Variants in SETD5 observed in about 807,000 individuals in gnomAD.
SETD5 encodes SET domain containing 5.
SETD5 carries 44 observed loss-of-function variants against 153.3 expected under a neutral mutation model. The observed-to-expected ratio is 0.29, with a 90% CI of 0.23 to 0.37. The LOEUF (loss-of-function observed/expected upper bound fraction) is 0.37. SETD5 is among the 10% of genes least tolerant of loss of function. SETD5 has a pLI of 1.00. For synonymous variants in SETD5, 716 were observed against 645.2 expected, an observed-to-expected ratio of 1.11 and a Z score of -1.66; for missense variants, 1,544 against 1,768.0, an observed-to-expected ratio of 0.87 and a Z score of 2.27.
chr3:9,470,069 C>A (rs908339745), intron 18 of SETD5, among the ~76,000 whole-genome samples: 3 of 152,030 alleles, frequency 2.0e-5, no homozygotes, highest in Non-Finnish European at 2.9e-5. Flanking sequence ...CTTAAGACAC[C>A]AGTCTCATCT....
chr3:9,411,778 A>G (rs549708681), intron 1 of SETD5, among the ~76,000 whole-genome samples: 1 of 152,334 alleles, frequency 6.6e-6, no homozygotes, highest in African/African-American at 2.4e-5. Context: ...AACTTTACTT[A>G]GAATTAGTAA....
chr3:9,467,619 T>C (rs1385552176), intron 18 of SETD5, among the ~76,000 whole-genome samples: 3 of 152,252 alleles, frequency 2.0e-5, no homozygotes, highest in South Asian at 4.1e-4. Context: ...GCCACAGTTA[T>C]TCAGAGTCTA....
At chr3:9,454,107 A>G in intron 17 of SETD5, 1 of 244,390 alleles carries the variant, frequency 4.1e-6, no homozygotes, top group Non-Finnish European at 7.6e-6. Context: ...AAAAGGTTAG[A>G]TACATTTAAA....
chr3:9,405,909 C>A (rs2035577042), intron 1 of SETD5, among the ~76,000 whole-genome samples: 1 of 152,144 alleles, frequency 6.6e-6, no homozygotes, highest in Admixed American at 6.5e-5. Context: ...TCTGTACATG[C>A]CACAACACAT....
intron 2 of SETD5, among the ~76,000 whole-genome samples, chr3:9,426,671 G>T (rs1204620537): frequency 1.3e-5 from 2 of 151,536 alleles, no homozygotes; most frequent in Non-Finnish European, 2.9e-5. Flanking sequence ...GGGATTACAG[G>T]TGTGAGCCAC....
chr3:9,475,921 C>A lies in SETD5; in HGVS notation c.4159C>A (p.Arg1387=). ...NSRSSLPSDL[R]TISLPSAGQS... is the part of the protein sequence containing the mutation. ...TAGGTCGTCATTGCCATCAGACTTA[C>A]GGACTATCAGTCTGCCCAGTGCTGG... The change falls in exon 23 of 23, where the codon CGG becomes AGG. Residue 1387 remains arginine, a synonymous_variant. Coordinates refer to ENST00000402198, the MANE Select transcript of SETD5 (RefSeq NM_001080517.3). 1 of 1,614,048 alleles carries A rather than the reference C, an allele frequency of 6.2e-7. No homozygotes were observed. Among genetic ancestry groups the A allele is most frequent in the Admixed American group, 1.7e-5 (1 of 60,032 alleles).
At chr3:9,409,234 C>T (rs903857211) in intron 1 of SETD5, among the ~76,000 whole-genome samples, 1 of 152,124 alleles carries the variant, frequency 6.6e-6, no homozygotes, top group Non-Finnish European at 1.5e-5. Context: ...TTTCTTACTT[C>T]TTCATTTATT....
intron 1 of SETD5, among the ~76,000 whole-genome samples, chr3:9,412,846 G>A (rs1221410232): frequency 2.0e-5 from 3 of 151,148 alleles, no homozygotes; most frequent in Non-Finnish European, 4.4e-5. Flanking sequence ...TTATTAGTTG[G>A]TCATTGTCGA....
intron 8 of SETD5, among the ~76,000 whole-genome samples, chr3:9,441,082 C>A (rs969986723): frequency 2.0e-5 from 3 of 151,942 alleles, no homozygotes; most frequent in African/African-American, 7.3e-5. Context: ...TGTGATGATA[C>A]ACACCTGTAA....
intron 1 of SETD5, among the ~76,000 whole-genome samples, chr3:9,407,082 C>T (rs1263050924): frequency 6.6e-6 from 1 of 152,188 alleles, no homozygotes; most frequent in Non-Finnish European, 1.5e-5. Flanking sequence ...AATCCCAGCA[C>T]TTTGTGAGGC....
At chr3:9,457,166 A>AG (rs1439330006) in intron 17 of SETD5, among the ~76,000 whole-genome samples, 1 of 152,154 alleles carries the variant, frequency 6.6e-6, no homozygotes, top group African/African-American at 2.4e-5. Context: ...GAAGAGCCTA[A>AG]GTAATCAGCT....
At chr3:9,471,025 T>G in intron 19 of SETD5, 96 bp downstream of exon 19, 4 of 664,182 alleles carry the variant, frequency 6.0e-6, no homozygotes, top group Non-Finnish European at 1.0e-5. Context: ...TCCGCACTAC[T>G]CTCAGACAAG....
intron 14 of SETD5, 149 bp downstream of exon 14, chr3:9,447,456 T>C (rs2042148541): frequency 1.6e-6 from 2 of 1,232,562 alleles, no homozygotes; most frequent in East Asian, 2.3e-5. Context: ...AACCATTTCA[T>C]TGGCCTATTT....
In SETD5 at chr3:9,448,465, G is replaced by A. The variant is rs767867400; in HGVS notation, c.2181G>A (p.Thr727=). 6 of 1,613,752 alleles carry A rather than the reference G, an allele frequency of 3.7e-6. No individual in the cohort carries two copies. Among genetic ancestry groups the A allele is most frequent in the Admixed American group, 1.7e-5 (1 of 59,984 alleles). Reference sequence around the variant, plus strand: ...TTGAGTGCCCTTTACGTATCACAACGGATCCAACTGTACTGGCAACGACCC... The same window carrying A: ...TTGAGTGCCCTTTACGTATCACAACAGATCCAACTGTACTGGCAACGACCC... ...CPVECPLRIT[T]DPTVLATTLN... Residue 727 remains threonine (T), a synonymous_variant, in exon 16 of 23, where the codon ACG becomes ACA. Transcript: ENST00000402198.
At chr3:9,420,632 TTC>T (rs1390882952) in intron 1 of SETD5, among the ~76,000 whole-genome samples, 4 of 152,296 alleles carry the variant, frequency 2.6e-5, no homozygotes, top group East Asian at 1.9e-4. Context: ...CAATCAGTGT[TTC>T]TCTCTTTTCT....
intron 3 of SETD5, chr3:9,433,526 A>G (rs939409695): frequency 2.5e-5 from 32 of 1,294,144 alleles, no homozygotes; most frequent in Non-Finnish European, 3.2e-5. Flanking sequence ...AAACCAGCCC[A>G]GAGTGGCTTC....
intron 7 of SETD5, among the ~76,000 whole-genome samples, chr3:9,439,382 AAAAG>A (rs2040997503): frequency 6.6e-6 from 1 of 152,232 alleles, no homozygotes; most frequent in African/African-American, 2.4e-5. Context: ...CAAAAGTGGT[AAAAG>A]AAAGTGTTAT....
intron 7 of SETD5, among the ~76,000 whole-genome samples, chr3:9,438,549 T>C (rs894632171): frequency 6.6e-6 from 1 of 152,246 alleles, no homozygotes; most frequent in Non-Finnish European, 1.5e-5. Flanking sequence ...CTAGTCATTT[T>C]GATTCTTTTA....
At chr3:9,403,917 TTC>T (rs918022008) in intron 1 of SETD5, among the ~76,000 whole-genome samples, 2 of 152,344 alleles carry the variant, frequency 1.3e-5, no homozygotes, top group African/African-American at 2.4e-5. Context: ...TTTGCGTCAG[TTC>T]TTTTTTTAAA....
Sources: gnomAD v4.1 joint callset for allele counts (sites outside exome capture counted in the v4.1 genomes callset) on GRCh38, gnomAD v4.1.1 for gene constraint, MANE v1.5 for transcripts, NCBI Gene and HGNC (gene_info 2026-07-23, HGNC 2026-07-21) for gene names.